The following BIRC6 variants were observed in gnomAD, a reference collection of about 807,000 sequenced individuals.
BIRC6 encodes baculoviral IAP repeat containing 6, also known as dual E2 ubiquitin-conjugating enzyme/E3 ubiquitin-protein ligase BIRC6.
In BIRC6, 98 loss-of-function variants were observed where a neutral mutation model predicts 503.3. That is an observed-to-expected ratio of 0.19 (90% CI 0.17 to 0.23). BIRC6 has a LOEUF of 0.23. Ranked by LOEUF, BIRC6 falls within the 10% of genes least tolerant of loss-of-function variation. BIRC6 has a pLI of 1.00. For synonymous variants in BIRC6, 2,240 were observed against 2,078.7 expected, an observed-to-expected ratio of 1.08 and a Z score of -2.11; for missense variants, 5,360 against 5,806.0, an observed-to-expected ratio of 0.92 and a Z score of 2.50.
chr2:32,380,422 T>C, intron 3 of BIRC6, 132 bp downstream of exon 3: 1 of 1,243,528 alleles, frequency 8.0e-7, no homozygotes, highest in Non-Finnish European at 1.1e-6. Flanking sequence ...AGAATGTGCT[T>C]ATAAGTCATC....
At chr2:32,486,486 A>G (rs1045436892) in intron 40 of BIRC6, among the ~76,000 whole-genome samples, 1 of 152,150 alleles carries the variant, frequency 6.6e-6, no homozygotes, top group Non-Finnish European at 1.5e-5. Flanking sequence ...TCGGAGGAGT[A>G]CAGTTGAAAT....
At chr2:32,572,078 C>T (rs1348055106) in intron 65 of BIRC6, among the ~76,000 whole-genome samples, 3 of 152,066 alleles carry the variant, frequency 2.0e-5, no homozygotes, top group Non-Finnish European at 4.4e-5. Context: ...CCACTGTGGT[C>T]TTGAGAAGAT....
At chr2:32,607,789 C>A (rs2062568134) in intron 72 of BIRC6, 146 bp downstream of exon 72, 1 of 531,158 alleles carries the variant, frequency 1.9e-6, no homozygotes, top group Non-Finnish European at 3.1e-6. Context: ...ACCAGCCTGG[C>A]CAATATGGCG....
chr2:32,414,698 T>C (rs2042234365), intron 9 of BIRC6, 71 bp from the exon 10 acceptor site: 2 of 1,026,612 alleles, frequency 1.9e-6, no homozygotes, highest in Non-Finnish European at 2.7e-6. Flanking sequence ...TAAATAATTT[T>C]ACTTGTGTAT....
chr2:32,434,917 T>C (rs1287984853), intron 13 of BIRC6, among the ~76,000 whole-genome samples: 5 of 152,140 alleles, frequency 3.3e-5, no homozygotes, highest in Non-Finnish European at 7.3e-5. Flanking sequence ...ATTAGTAAAC[T>C]AAAGATGATT....
intron 66 of BIRC6, among the ~76,000 whole-genome samples, chr2:32,576,890 T>G (rs1387609409): frequency 6.6e-6 from 1 of 152,158 alleles, no homozygotes; most frequent in Non-Finnish European, 1.5e-5. Flanking sequence ...TTGGTAGAGA[T>G]AAAAAGTTGT....
intron 57 of BIRC6, among the ~76,000 whole-genome samples, chr2:32,520,826 A>G (rs1488679998): frequency 1.3e-5 from 2 of 152,204 alleles, no homozygotes. Context: ...AAACACATAC[A>G]AACAAAATTA....
chr2:32,461,589 G>GT lies in BIRC6; in HGVS notation c.4754-1592dup, dbSNP rs202245830. On this transcript the variant is annotated intron_variant, in intron 23 of 73. Transcript: ENST00000421745. ...GTATGACTGCACTGTAATGAGTGGT[G>GT]TTTTTTTTTTTTTAACATAAGGAAA... 0.015 allele frequency among the ~76,000 whole-genome samples: 2,066 copies of GT among 141,858 alleles called. 63 individuals carry two copies. The East Asian group carries it at 0.15, about 10-fold the overall frequency. 93.1% of individuals were successfully genotyped at this position (141,858 alleles called of 152,430 possible).
Position 32,508,098 on chromosome 2 carries a change from A to C in BIRC6, c.9819A>C (p.Glu3273Asp). The change falls in exon 51 of 74, where the codon GAA becomes GAC. Residue 3273 changes from glutamate (E) to aspartate (D), a missense_variant. By Grantham distance (45) the Glu-to-Asp change is conservative (BLOSUM62 2). Coordinates refer to ENST00000421745, the MANE Select transcript of BIRC6 (RefSeq NM_016252.4). ...TYIKIQLVKA[E>D]VASAVCLRLH... ...TAAAAATTCAGCTTGTAAAAGCCGAAGTAGCTTCTGCTGTCTGCCTTAGAC... is the reference window on the plus strand; with the variant it reads ...TAAAAATTCAGCTTGTAAAAGCCGACGTAGCTTCTGCTGTCTGCCTTAGAC... 1 of 1,613,930 alleles carries C rather than the reference A, an allele frequency of 6.2e-7. No individual in the cohort carries two copies. The highest frequency in any genetic ancestry group is 1.1e-5 in the South Asian group (1 of 91,076).
intron 10 of BIRC6, among the ~76,000 whole-genome samples, chr2:32,421,112 CTTT>C (rs779700746): frequency 3.0e-5 from 4 of 132,272 alleles, no homozygotes; most frequent in Non-Finnish European, 4.9e-5. Context: ...TTCTTTCTTT[CTTT>C]TTTTTTTTTT....
rs1270523140 is a variant in BIRC6, at chr2:32,547,975, G to T, written c.12936G>T (p.Lys4312Asn). Residue 4312 changes from lysine (K) to asparagine (N), a missense_variant, in exon 64 of 74, where the codon AAG becomes AAT. This residue lies in a region of BIRC6 where 477 missense variants were observed against 574.4 expected (regional missense o/e 0.83). Coordinates refer to ENST00000421745, the MANE Select transcript of BIRC6 (RefSeq NM_016252.4). Reference protein sequence around the residue: ...SGWDVEQALTKQRLEEEHVTC... With the variant: ...SGWDVEQALTNQRLEEEHVTC... ...GGGATGTGGAACAAGCCTTAACTAA[G>T]CAAAGGCTGGAAGAGGAACATGTTA... 1.3e-5 allele frequency: 21 copies of T among 1,611,560 alleles called. No individual in the cohort carries two copies. Among genetic ancestry groups the T allele is most frequent in the Non-Finnish European group, 1.8e-5 (21 of 1,179,114 alleles).
chr2:32,478,888 A>G, intron 36 of BIRC6, 70 bp downstream of exon 36: 2 of 1,486,740 alleles, frequency 1.3e-6, no homozygotes, highest in South Asian at 1.2e-5. Flanking sequence ...GAATCTTCAA[A>G]GGGATCTTTA....
intron 22 of BIRC6, chr2:32,449,169 G>T (rs1181863883): frequency 2.9e-5 from 10 of 345,856 alleles, no homozygotes; most frequent in African/African-American, 6.4e-5. Flanking sequence ...TTTTGTTTTT[G>T]TTATGCATTT....
intron 10 of BIRC6, among the ~76,000 whole-genome samples, chr2:32,420,600 G>C (rs1191759460): frequency 1.3e-5 from 2 of 152,008 alleles, no homozygotes; most frequent in African/African-American, 2.4e-5. Flanking sequence ...TGCAACCTCT[G>C]CCTCCTGGGT....
rs796180938 is a variant in BIRC6, at chr2:32,579,862, A to AT, written c.13355+4506dup. Reference sequence around the variant, plus strand: ...CATTACTGATGCATTCACTTAACAGATTTTTTTTTTAATGTCTGTGGGCAC... The same window carrying AT: ...CATTACTGATGCATTCACTTAACAGATTTTTTTTTTTAATGTCTGTGGGCAC... On this transcript the variant is annotated intron_variant, in intron 66 of 73. Coordinates refer to ENST00000421745, the MANE Select transcript of BIRC6 (RefSeq NM_016252.4). 5.3e-3 allele frequency among the ~76,000 whole-genome samples: 779 copies of AT among 148,092 alleles called. 3 individuals are homozygous for AT. Among genetic ancestry groups the AT allele is most frequent in the African/African-American group, 0.014 (576 of 40,484 alleles).
intron 29 of BIRC6, 54 bp downstream of exon 29, chr2:32,468,837 C>T (rs551666524): frequency 1.6e-5 from 21 of 1,311,658 alleles, no homozygotes; most frequent in South Asian, 9.8e-5. Context: ...GATGTGATTT[C>T]GCTGCATGTT....
At chr2:32,462,031 C>T (rs755914567) in intron 23 of BIRC6, among the ~76,000 whole-genome samples, 1 of 150,596 alleles carries the variant, frequency 6.6e-6, no homozygotes, top group Admixed American at 6.6e-5. Context: ...GCCTTCTTTA[C>T]TTAATCAGCA....
At chr2:32,559,747 A>G (rs2059029365) in intron 65 of BIRC6, among the ~76,000 whole-genome samples, 1 of 151,436 alleles carries the variant, frequency 6.6e-6, no homozygotes, top group Non-Finnish European at 1.5e-5. Flanking sequence ...TAAGGCCGGC[A>G]CAGTGGCTCA....
chr2:32,550,694 G>T (rs967675957), intron 65 of BIRC6, among the ~76,000 whole-genome samples: 1 of 151,698 alleles, frequency 6.6e-6, no homozygotes, highest in African/African-American at 2.4e-5. Context: ...TTTCTGTTTT[G>T]GTCTGAAATT....
Sources: gnomAD v4.1 joint callset for allele counts (sites outside exome capture counted in the v4.1 genomes callset) on GRCh38, gnomAD v4.1.1 for gene constraint, gnomAD v4.1.1 regional missense constraint, MANE v1.5 for transcripts, NCBI Gene and HGNC (gene_info 2026-07-23, HGNC 2026-07-21) for gene names.